Variants in MCPH1 observed in about 807,000 individuals in gnomAD.
MCPH1 encodes the protein microcephalin 1, also known as microcephalin.
In MCPH1, 104 loss-of-function variants were observed where a neutral mutation model predicts 84.5. The ratio of observed to expected loss-of-function variants is 1.23; its 90% CI spans 1.05 to 1.45. MCPH1 has a LOEUF of 1.45. MCPH1 is among the 40% of genes most tolerant of loss of function. MCPH1 has a pLI of 0.00. For synonymous variants in MCPH1, 514 were observed against 366.8 expected, an observed-to-expected ratio of 1.40 and a Z score of -4.58; for missense variants, 1,498 against 1,005.7, an observed-to-expected ratio of 1.49 and a Z score of -6.62.
rs997563664 is a variant in MCPH1, at chr8:6,509,464, A to AG, written c.2214+9540dup. Among the ~76,000 whole-genome samples, 17 of 152,274 alleles carry AG rather than the reference A, an allele frequency of 1.1e-4. No individual in the cohort carries two copies. In the East Asian group the frequency reaches 3.1e-3, roughly 28 times the overall value. On this transcript the variant is annotated intron_variant, in intron 12 of 13. Coordinates refer to ENST00000344683, the MANE Select transcript of MCPH1 (RefSeq NM_024596.5). ...GACAACCTCAAACATTATTTTCCGCAGGGGGCCCCGGGGGGGATGGAGAAT... is the reference window on the plus strand; with the variant it reads ...GACAACCTCAAACATTATTTTCCGCAGGGGGGCCCCGGGGGGGATGGAGAAT...
chr8:6,444,310 G>C lies in MCPH1; in HGVS notation c.671-83G>C, dbSNP rs1428677367. On this transcript the variant is annotated intron_variant, in intron 7 of 13. Transcript: ENST00000344683. ...CTTAACTAATAGCTGTACTTTAAAA[G>C]TTGTTTTATTGGTCAACTGAAAGTT... 2.6e-6 allele frequency: 4 copies of C among 1,519,136 alleles called. No homozygotes were observed. In the African/African-American group the frequency reaches 5.5e-5, roughly 21 times the overall value. The allele number at this position is 1,519,136 out of a possible 1,614,324, so 94.1% of individuals were successfully genotyped here. A position where few individuals can be genotyped will look rare whatever the true frequency, so the allele number is the denominator to read the frequency against.
chr8:6,570,163 G>A (rs924061672), intron 12 of MCPH1, among the ~76,000 whole-genome samples: 7 of 152,290 alleles, frequency 4.6e-5, no homozygotes, highest in East Asian at 1.9e-4. Context: ...AATGTGGATC[G>A]CTGGAAGAAT....
At chr8:6,443,943 G>C (rs1347335764) in intron 7 of MCPH1, among the ~76,000 whole-genome samples, 1 of 152,122 alleles carries the variant, frequency 6.6e-6, no homozygotes, top group Non-Finnish European at 1.5e-5. Flanking sequence ...TGTAATACGA[G>C]GACTTTACTG....
At chr8:6,520,101 T>A in intron 12 of MCPH1, 1 of 1,284,278 alleles carries the variant, frequency 7.8e-7, no homozygotes, top group Non-Finnish European at 1.1e-6. Flanking sequence ...AATTCTTAAG[T>A]AAGCAAAAGG....
intron 9 of MCPH1, among the ~76,000 whole-genome samples, chr8:6,465,411 C>T (rs902492422): frequency 2.0e-5 from 3 of 152,210 alleles, no homozygotes; most frequent in African/African-American, 2.4e-5. Context: ...ATGTCCACCC[C>T]GTCCTCGGAC....
chr8:6,513,389 G>A (rs1039386592), intron 12 of MCPH1, among the ~76,000 whole-genome samples: 2 of 145,982 alleles, frequency 1.4e-5, no homozygotes, highest in Admixed American at 7.1e-5. Flanking sequence ...TTGCAGTGCC[G>A]TGGCACGATC....
intron 11 of MCPH1, among the ~76,000 whole-genome samples, chr8:6,498,003 C>T (rs1811460104): frequency 6.6e-6 from 1 of 152,062 alleles, no homozygotes; most frequent in African/African-American, 2.4e-5. Flanking sequence ...AAGTGTCATC[C>T]AGTGCAATAA....
chr8:6,455,868 A>G (rs1181757188), intron 9 of MCPH1, among the ~76,000 whole-genome samples: 2 of 152,180 alleles, frequency 1.3e-5, no homozygotes, highest in Admixed American at 6.5e-5. Flanking sequence ...CCAAAAAAGT[A>G]TAATGTAGTG....
chr8:6,580,662 C>T (rs1432588500), intron 12 of MCPH1, among the ~76,000 whole-genome samples: 6 of 151,716 alleles, frequency 4.0e-5, no homozygotes, highest in Non-Finnish European at 5.9e-5. Context: ...ACCACAAAAA[C>T]AAAAACAAAA....
At chr8:6,518,844 C>T (rs772965758) in intron 12 of MCPH1, among the ~76,000 whole-genome samples, 1 of 152,104 alleles carries the variant, frequency 6.6e-6, no homozygotes, top group African/African-American at 2.4e-5. Context: ...CACACTGATT[C>T]TCCTGTAATA....
chr8:6,445,607 T>C, intron 8 of MCPH1, 60 bp downstream of exon 8: 1 of 1,516,614 alleles, frequency 6.6e-7, no homozygotes, highest in Non-Finnish European at 8.8e-7. Context: ...AGTGCATCCA[T>C]ATTTTAAATT....
In MCPH1 at chr8:6,643,703, T is replaced by C. The variant is rs1369357179; in HGVS notation, c.*654T>C. ...AGACTCGATCTTTATTAATACATTA[T>C]CTATTAGGTAGGAAAGACATTTGTC... On this transcript the variant is annotated 3_prime_UTR_variant, in exon 14 of 14. Coordinates refer to ENST00000344683, the MANE Select transcript of MCPH1 (RefSeq NM_024596.5). 1 of 153,594 alleles carries C rather than the reference T, an allele frequency of 6.5e-6. No homozygotes were observed. Among genetic ancestry groups the C allele is most frequent in the East Asian group, 1.9e-4 (1 of 5,212 alleles). The allele number at this position is 153,594 out of a possible 1,614,324, so 9.5% of individuals were successfully genotyped here.
At chr8:6,554,720 T>C (rs1426289456) in intron 12 of MCPH1, among the ~76,000 whole-genome samples, 1 of 152,204 alleles carries the variant, frequency 6.6e-6, no homozygotes, top group African/African-American at 2.4e-5. Context: ...AGTCTGATTT[T>C]GGAGAAAGTA....
At chr8:6,431,417 C>A in intron 3 of MCPH1, 82 bp from the exon 4 acceptor site, 2 of 1,008,930 alleles carry the variant, frequency 2.0e-6, no homozygotes, top group Non-Finnish European at 3.1e-6. Flanking sequence ...TCTTAAATTG[C>A]TAATACATGT....
At chr8:6,496,712 A>G (rs999139184) in intron 11 of MCPH1, among the ~76,000 whole-genome samples, 15 of 152,206 alleles carry the variant, frequency 9.9e-5, no homozygotes, top group South Asian at 6.2e-4. Flanking sequence ...TTGCCTATCA[A>G]AAATTGTGAA....
chr8:6,603,533 C>G (rs1424497488), intron 12 of MCPH1, among the ~76,000 whole-genome samples: 4 of 152,156 alleles, frequency 2.6e-5, no homozygotes, highest in Non-Finnish European at 5.9e-5. Flanking sequence ...ATGAATTTAG[C>G]TAATGCATTC....
chr8:6,608,051 G>T (rs1405856276), intron 12 of MCPH1, among the ~76,000 whole-genome samples: 1 of 152,190 alleles, frequency 6.6e-6, no homozygotes, highest in African/African-American at 2.4e-5. Context: ...GGGCTGAGGG[G>T]AGTGCTCACC....
intron 12 of MCPH1, among the ~76,000 whole-genome samples, chr8:6,554,985 C>T (rs1381084431): frequency 6.6e-6 from 1 of 152,172 alleles, no homozygotes; most frequent in Non-Finnish European, 1.5e-5. Flanking sequence ...TCGGATGGCA[C>T]ACCTGACCTA....
chr8:6,596,888 G>A (rs1417754856), intron 12 of MCPH1, among the ~76,000 whole-genome samples: 1 of 152,290 alleles, frequency 6.6e-6, no homozygotes, highest in Non-Finnish European at 1.5e-5. Context: ...AATACAGAAG[G>A]ACACACAGTA....
Sources: gnomAD v4.1 joint callset for allele counts (sites outside exome capture counted in the v4.1 genomes callset) on GRCh38, gnomAD v4.1.1 for gene constraint, MANE v1.5 for transcripts, NCBI Gene and HGNC (gene_info 2026-07-23, HGNC 2026-07-21) for gene names.